RAVER2: variants seen among roughly 807,000 people sequenced by gnomAD.
The protein encoded by RAVER2 is ribonucleoprotein, PTB binding 2.
RAVER2 carries 46 observed loss-of-function variants against 78.1 expected under a neutral mutation model. That is an observed-to-expected ratio of 0.59 (90% CI 0.46 to 0.75). RAVER2 has a LOEUF of 0.75. RAVER2 is among the 30% of genes least tolerant of loss of function. The pLI is 0.00. For synonymous variants in RAVER2, 311 were observed against 313.3 expected, an observed-to-expected ratio of 0.99 and a Z score of 0.08; for missense variants, 793 against 837.5, an observed-to-expected ratio of 0.95 and a Z score of 0.66.
At chr1:64,788,449 G>A (rs1652843196) in intron 4 of RAVER2, among the ~76,000 whole-genome samples, 1 of 151,842 alleles carries the variant, frequency 6.6e-6, no homozygotes, top group South Asian at 2.1e-4. Context: ...TCCAGCCTGG[G>A]CAACAGAGTG....
chr1:64,820,695 A>C (rs985863902), intron 11 of RAVER2, among the ~76,000 whole-genome samples: 14 of 152,218 alleles, frequency 9.2e-5, no homozygotes, highest in Admixed American at 9.2e-4. Context: ...TAGTTTCCTA[A>C]GGATAAAAGC....
intron 5 of RAVER2, among the ~76,000 whole-genome samples, chr1:64,795,488 A>G (rs974616865): frequency 2.0e-5 from 3 of 152,064 alleles, no homozygotes; most frequent in Non-Finnish European, 2.9e-5. Flanking sequence ...AATTTCTCCC[A>G]GCAATGTTTT....
chr1:64,826,692 GT>G (rs1380508808), intron 11 of RAVER2, among the ~76,000 whole-genome samples: 6 of 152,282 alleles, frequency 3.9e-5, no homozygotes, highest in African/African-American at 1.2e-4. Context: ...TGTATTTATA[GT>G]TTAACATGCC....
chr1:64,788,218 A>G (rs1453200173), intron 4 of RAVER2, among the ~76,000 whole-genome samples: 1 of 152,192 alleles, frequency 6.6e-6, no homozygotes, highest in African/African-American at 2.4e-5. Context: ...TATGCCTGTA[A>G]TCCCAGTACT....
chr1:64,773,963 G>A (rs932828810), intron 2 of RAVER2, among the ~76,000 whole-genome samples: 13 of 152,144 alleles, frequency 8.5e-5, no homozygotes, highest in Admixed American at 5.2e-4. Context: ...GTGTCTGTTG[G>A]CTGCATAAAT....
At chr1:64,819,172 C>G (rs144568388) in intron 11 of RAVER2, among the ~76,000 whole-genome samples, 1 of 151,740 alleles carries the variant, frequency 6.6e-6, no homozygotes, top group African/African-American at 2.4e-5. Flanking sequence ...AAAGTGGAAA[C>G]GACCCCAAGG....
intron 4 of RAVER2, among the ~76,000 whole-genome samples, chr1:64,783,345 C>A (rs1652686722): frequency 1.3e-5 from 2 of 152,184 alleles, no homozygotes; most frequent in Admixed American, 1.3e-4. Flanking sequence ...TACACTCCCA[C>A]CAACAGTGTA....
intron 4 of RAVER2, among the ~76,000 whole-genome samples, chr1:64,785,280 A>T (rs1652746186): frequency 6.6e-6 from 1 of 152,140 alleles, no homozygotes; most frequent in Non-Finnish European, 1.5e-5. Context: ...CTATTGAGAT[A>T]ATCATGATTT....
chr1:64,767,367 G>A (rs1468528441), intron 1 of RAVER2, among the ~76,000 whole-genome samples: 1 of 151,970 alleles, frequency 6.6e-6, no homozygotes, highest in Non-Finnish European at 1.5e-5. Context: ...GTCATCCTTG[G>A]AGCCAGACAG....
intron 1 of RAVER2, among the ~76,000 whole-genome samples, chr1:64,753,219 A>G (rs1285081162): frequency 6.6e-6 from 1 of 152,074 alleles, no homozygotes; most frequent in Non-Finnish European, 1.5e-5. Context: ...ATGCTGGCTA[A>G]TATTTTGAAT....
intron 9 of RAVER2, among the ~76,000 whole-genome samples, chr1:64,807,897 A>G (rs1378578882): frequency 6.6e-6 from 1 of 152,196 alleles, no homozygotes; most frequent in Non-Finnish European, 1.5e-5. Flanking sequence ...GTTTAAGTTC[A>G]GAATTTTGTA....
intron 5 of RAVER2, among the ~76,000 whole-genome samples, chr1:64,794,694 GTTGT>G (rs1365201792): frequency 2.6e-5 from 4 of 152,092 alleles, no homozygotes; most frequent in Non-Finnish European, 2.9e-5. Context: ...TAAAAACTGA[GTTGT>G]TTGTCTTCTT....
chr1:64,797,987 T>C, intron 5 of RAVER2, among the ~76,000 whole-genome samples: 1 of 150,616 alleles, frequency 6.6e-6, no homozygotes, highest in Non-Finnish European at 1.5e-5. Flanking sequence ...GTTAGTTACA[T>C]ATGTATACAT....
rs1481967805 is a variant in RAVER2, at chr1:64,772,798, A to G, written c.316+4076A>G. Among the ~76,000 whole-genome samples, 3 of 152,152 alleles carry G rather than the reference A, an allele frequency of 2.0e-5. No homozygotes were observed. In the East Asian group the frequency reaches 5.8e-4, roughly 29 times the overall value. ...AAATATTTCAGTGTTCTTGGAGAAT[A>G]AAGAGCTGTTGGGGAAGGGAGGAAG... On this transcript the variant is annotated intron_variant, in intron 2 of 11. Coordinates refer to ENST00000294428, the Ensembl canonical transcript of RAVER2.
At chr1:64,807,130 C>A in intron 8 of RAVER2, 76 bp from the exon 9 acceptor site, 1 of 1,478,922 alleles carries the variant, frequency 6.8e-7, no homozygotes, top group East Asian at 2.4e-5. Context: ...TTGCTCATAA[C>A]TTAACAAAAT....
intron 1 of RAVER2, among the ~76,000 whole-genome samples, chr1:64,764,821 A>G (rs1570535446): frequency 6.6e-6 from 1 of 152,338 alleles, no homozygotes; most frequent in Non-Finnish European, 1.5e-5. Context: ...CTTCTTGCTC[A>G]TAAGGCCTTC....
chr1:64,746,983 T>C (rs761626099), intron 1 of RAVER2, among the ~76,000 whole-genome samples: 9 of 152,254 alleles, frequency 5.9e-5, no homozygotes, highest in Non-Finnish European at 1.3e-4. Flanking sequence ...GTTTTTGTTA[T>C]CACAATTCCT....
At chr1:64,802,499 T>G (rs1266562885) in intron 5 of RAVER2, among the ~76,000 whole-genome samples, 2 of 152,244 alleles carry the variant, frequency 1.3e-5, no homozygotes, top group Non-Finnish European at 2.9e-5. Flanking sequence ...TGTACAGTTT[T>G]GCAGTTTCTT....
At chr1:64,781,636 A>C in intron 4 of RAVER2, 65 bp downstream of exon 4, 1 of 1,446,428 alleles carries the variant, frequency 6.9e-7, no homozygotes, top group East Asian at 2.3e-5. Flanking sequence ...ATTTTAATCT[A>C]TCCAGTCTAG....
Sources: allele counts gnomAD v4.1 joint callset (sites outside exome capture counted in the v4.1 genomes callset), GRCh38; gene constraint gnomAD v4.1.1; transcripts MANE v1.5; gene names NCBI Gene and HGNC (gene_info 2026-07-23, HGNC 2026-07-21).